Variants in ATG16L1 observed in about 807,000 individuals in gnomAD.
ATG16L1 encodes the protein autophagy-related protein 16-1.
A neutral mutation model predicts 88.5 loss-of-function variants in ATG16L1; 37 were observed. The ratio of observed to expected loss-of-function variants is 0.42; its 90% CI spans 0.32 to 0.55. The LOEUF is 0.55. ATG16L1 is among the 20% of genes least tolerant of loss of function. ATG16L1 has a pLI of 0.13. For synonymous variants in ATG16L1, 301 were observed against 281.0 expected, an observed-to-expected ratio of 1.07 and a Z score of -0.71; for missense variants, 554 against 752.8, an observed-to-expected ratio of 0.74 and a Z score of 3.09.
intron 7 of ATG16L1, chr2:233,273,379 C>T (rs2289473): frequency 0.063 from 30,753 of 487,722 alleles, 1,168 homozygotes; most frequent in Non-Finnish European, 0.069. Context: ...GGCTTCCCCC[C>T]GCCCGCACCG....
At chr2:233,253,605 C>T (rs1696567080) in intron 1 of ATG16L1, among the ~76,000 whole-genome samples, 1 of 152,096 alleles carries the variant, frequency 6.6e-6, no homozygotes, top group African/African-American at 2.4e-5. Context: ...CTCAGCCACC[C>T]AAAGTGCTAG....
intron 7 of ATG16L1, 148 bp downstream of exon 7, chr2:233,273,200 TCCAGTCTTTCTCA>T: frequency 1.6e-6 from 1 of 634,136 alleles, no homozygotes; most frequent in Non-Finnish European, 2.8e-6. Context: ...CACAGAGGTG[TCCAGTCTTTCTCA>T]GTTCACCTCT....
intron 9 of ATG16L1, chr2:233,277,333 T>G: frequency 9.5e-6 from 4 of 419,298 alleles, no homozygotes; most frequent in Non-Finnish European, 8.9e-6. Context: ...TCTACACAGA[T>G]TTTGAGTACT....
intron 6 of ATG16L1, among the ~76,000 whole-genome samples, chr2:233,272,586 G>A (rs1559393171): frequency 6.6e-6 from 1 of 152,150 alleles, no homozygotes; most frequent in Non-Finnish European, 1.5e-5. Flanking sequence ...ACTGTGCTTG[G>A]TGAGTACTGC....
At chr2:233,290,691 G>T (rs939193574) in intron 14 of ATG16L1, among the ~76,000 whole-genome samples, 2 of 152,172 alleles carry the variant, frequency 1.3e-5, no homozygotes, top group African/African-American at 2.4e-5. Context: ...AGGCAGCTAC[G>T]TTTGTTCCAG....
At chr2:233,274,514 AT>A (rs1040447177) in intron 8 of ATG16L1, 161 bp from the exon 9 acceptor site, 2 of 543,312 alleles carry the variant, frequency 3.7e-6, no homozygotes, top group East Asian at 3.1e-5. Flanking sequence ...GGTGCTTTTG[AT>A]TTTTTTGTGA....
chr2:233,277,093 T>C (rs1312955873), intron 9 of ATG16L1: 1 of 154,276 alleles, frequency 6.5e-6, no homozygotes, highest in Non-Finnish European at 1.4e-5. Context: ...CATCTACTTA[T>C]ATTAGGACTC....
chr2:233,262,541 A>G (rs1431923785), intron 2 of ATG16L1, among the ~76,000 whole-genome samples: 1 of 151,700 alleles, frequency 6.6e-6, no homozygotes, highest in Non-Finnish European at 1.5e-5. Flanking sequence ...CCTGCTGTAC[A>G]CCTCTCCAGG....
chr2:233,263,718 A>G (rs572107795), intron 3 of ATG16L1, among the ~76,000 whole-genome samples: 16 of 152,318 alleles, frequency 1.1e-4, no homozygotes, highest in South Asian at 4.1e-4. Context: ...TTCAGCAGAA[A>G]TGAGTCTCCA....
Position 233,295,157 on chromosome 2 carries a change from C to A in ATG16L1, c.*807C>A, listed in dbSNP as rs560406554. 6.5e-6 allele frequency: 1 copy of A among 152,746 alleles called. No individual in the cohort carries two copies. Among genetic ancestry groups the A allele is most frequent in the Non-Finnish European group, 1.5e-5 (1 of 68,062 alleles). 9.5% of individuals were successfully genotyped at this position (152,746 alleles called of 1,614,324 possible). On this transcript the variant is annotated 3_prime_UTR_variant, in exon 18 of 18. Transcript: ENST00000392017. ...CAAGGGATTCGAGACCTCCAACATA[C>A]TTGTCTGAAGGTGGTGATTCTGGCC...
At chr2:233,279,762 C>T (rs1481785149) in intron 10 of ATG16L1, among the ~76,000 whole-genome samples, 1 of 152,128 alleles carries the variant, frequency 6.6e-6, no homozygotes, top group Non-Finnish European at 1.5e-5. Flanking sequence ...CCCCCGCCCC[C>T]AACCCCGTAT....
chr2:233,293,041 A>G (rs887141528), intron 16 of ATG16L1, among the ~76,000 whole-genome samples: 1 of 152,210 alleles, frequency 6.6e-6, no homozygotes, highest in African/African-American at 2.4e-5. Flanking sequence ...CCAAGAAGCA[A>G]TGTGATGCCA....
At chr2:233,274,642 C>A (rs1025633707) in intron 8 of ATG16L1, 34 bp from the exon 9 acceptor site, 2 of 1,534,948 alleles carry the variant, frequency 1.3e-6, no homozygotes, top group Admixed American at 1.7e-5. Context: ...CCTCTGCAAT[C>A]CTGTCTAATA....
intron 14 of ATG16L1, 111 bp downstream of exon 14, chr2:233,290,464 A>G (rs563615037): frequency 4.0e-5 from 34 of 850,624 alleles, no homozygotes; most frequent in Non-Finnish European, 3.2e-5. Flanking sequence ...GAGTTTCGGT[A>G]CACGTATAGT....
Position 233,294,531 on chromosome 2 carries a change from CTT to C in ATG16L1, c.*182_*183del. On this transcript the variant is annotated 3_prime_UTR_variant, in exon 18 of 18. Transcript: ENST00000392017. ...TTCTGAAGATTTGACTGAGGTCTCT[CTT>C]GGCCTGGAAGAATAACACTGAAAAA... 1 of 499,346 alleles carries C rather than the reference CTT, an allele frequency of 2.0e-6. No homozygotes were observed. The highest frequency in any genetic ancestry group is 2.9e-5 in the South Asian group (1 of 34,838). The allele number at this position is 499,346 out of a possible 1,614,324, so 30.9% of individuals were successfully genotyped here. A position where few individuals can be genotyped will look rare whatever the true frequency, so the allele number is the denominator to read the frequency against.
intron 5 of ATG16L1, among the ~76,000 whole-genome samples, chr2:233,268,114 C>A (rs1408322543): frequency 6.6e-6 from 1 of 152,196 alleles, no homozygotes; most frequent in Non-Finnish European, 1.5e-5. Flanking sequence ...GCCTCCTTCC[C>A]TTATGCTGCC....
chr2:233,262,242 A>G (rs1454253357), intron 2 of ATG16L1, among the ~76,000 whole-genome samples: 1 of 151,924 alleles, frequency 6.6e-6, no homozygotes, highest in Non-Finnish European at 1.5e-5. Flanking sequence ...ATCTCACCTC[A>G]CTGCTCCCAC....
At chr2:233,254,944 T>C (rs1241791261) in intron 1 of ATG16L1, among the ~76,000 whole-genome samples, 2 of 151,294 alleles carry the variant, frequency 1.3e-5, no homozygotes, top group African/African-American at 2.4e-5. Flanking sequence ...TACCTATTAC[T>C]CTTATTTTTT....
In ATG16L1 at chr2:233,251,785, T is replaced by C. The variant is rs944728470; in HGVS notation, c.-43T>C. ...TGCTGCAGGCTGCGGCCGTCAGCCC[T>C]CGCTCGCATTGGTGGCGCTGAGGTG... is the stretch of plus-strand genomic sequence containing the variant. On this transcript the variant is annotated 5_prime_UTR_variant, in exon 1 of 18. Coordinates refer to ENST00000392017, the MANE Select transcript of ATG16L1 (RefSeq NM_030803.7). 27 of 1,527,144 alleles carry C rather than the reference T, an allele frequency of 1.8e-5. No individual in the cohort carries two copies. The African/African-American group carries it at 3.6e-4, about 20-fold the overall frequency. The allele number at this position is 1,527,144 out of a possible 1,614,324, so 94.6% of individuals were successfully genotyped here. A position where few individuals can be genotyped will look rare whatever the true frequency, so the allele number is the denominator to read the frequency against.
Sources: gnomAD v4.1 joint callset for allele counts (sites outside exome capture counted in the v4.1 genomes callset) on GRCh38, gnomAD v4.1.1 for gene constraint, MANE v1.5 for transcripts, NCBI Gene and HGNC (gene_info 2026-07-23, HGNC 2026-07-21) for gene names.